Variants in COL8A1 observed in about 807,000 individuals in gnomAD.
COL8A1 encodes the protein collagen type VIII alpha 1 chain.
Under a neutral mutation model 42.7 loss-of-function variants are expected in COL8A1, and 21 were observed. That is an observed-to-expected ratio of 0.49 (90% CI 0.35 to 0.71). COL8A1 has a LOEUF of 0.71. COL8A1 is among the 30% of genes least tolerant of loss of function. The pLI is 0.01. For missense variants in COL8A1, 788 were observed against 962.4 expected (o/e 0.82, Z 2.40); for synonymous variants, 367 against 369.1 (o/e 0.99, Z 0.06).
At chr3:99,736,310 C>T (rs1940712435) in intron 1 of COL8A1, among the ~76,000 whole-genome samples, 2 of 152,206 alleles carry the variant, frequency 1.3e-5, no homozygotes, top group South Asian at 4.1e-4. Context: ...TTTCCCTCTA[C>T]ACACTGCTTT....
intron 1 of COL8A1, among the ~76,000 whole-genome samples, chr3:99,702,813 C>T (rs889755595): frequency 6.6e-6 from 1 of 152,076 alleles, no homozygotes; most frequent in Non-Finnish European, 1.5e-5. Flanking sequence ...GTGTAAAGTG[C>T]TGTGGAGAAA....
chr3:99,794,474 G>T lies in COL8A1; in HGVS notation c.573G>T (p.Gly191=). 2 of 1,614,102 alleles carry T rather than the reference G, an allele frequency of 1.2e-6. No individual in the cohort carries two copies. Among genetic ancestry groups the T allele is most frequent in the East Asian group, 2.2e-5 (1 of 44,860 alleles). ...IGQKGEIGPM[G]IPGPQGPPGP... is the part of the protein sequence containing the mutation. ...AGAAAGGGGAAATTGGGCCTATGGG[G>T]ATCCCAGGACCACAAGGACCTCCAG... The change falls in exon 4 of 4, where the codon GGG becomes GGT. Residue 191 remains glycine, a synonymous_variant. Coordinates refer to ENST00000652472, the MANE Select transcript of COL8A1 (RefSeq NM_020351.4). This position sits in a 1 kb window ranked among gnomAD's most constrained non-coding sequence, Gnocchi z 4.3.
intron 1 of COL8A1, among the ~76,000 whole-genome samples, chr3:99,733,756 G>T (rs1251831969): frequency 1.3e-5 from 2 of 151,290 alleles, no homozygotes; most frequent in Non-Finnish European, 3.0e-5. Context: ...CTAGTTTACA[G>T]TCCCACCAAC....
chr3:99,649,845 C>A (rs1186008282), intron 1 of COL8A1, among the ~76,000 whole-genome samples: 2 of 152,062 alleles, frequency 1.3e-5, no homozygotes, highest in Non-Finnish European at 2.9e-5. Flanking sequence ...CTGAACTCTG[C>A]AGCTAAACAT....
intron 1 of COL8A1, among the ~76,000 whole-genome samples, chr3:99,721,883 GT>G (rs1288383320): frequency 0.035 from 5,094 of 145,990 alleles, 281 homozygotes; most frequent in African/African-American, 0.12. Context: ...GCAGCACTGG[GT>G]TTTTTTTTTT....
chr3:99,794,477 C>A lies in COL8A1; in HGVS notation c.576C>A (p.Ile192=). ...GQKGEIGPMG[I]PGPQGPPGPH... The stretch of plus-strand genomic sequence containing the variant: ...AAGGGGAAATTGGGCCTATGGGGAT[C>A]CCAGGACCACAAGGACCTCCAGGGC... Residue 192 remains isoleucine, a synonymous_variant, in exon 4 of 4, where the codon ATC becomes ATA. Coordinates refer to ENST00000652472, the MANE Select transcript of COL8A1 (RefSeq NM_020351.4). This position sits in a 1 kb window ranked among gnomAD's most constrained non-coding sequence, Gnocchi z 4.3. The A allele has an allele frequency of 6.2e-7, 1 of 1,613,998 alleles. No homozygotes were observed. The highest frequency in any genetic ancestry group is 8.5e-7 in the Non-Finnish European group (1 of 1,179,950).
At chr3:99,684,469 T>A (rs894224801) in intron 1 of COL8A1, among the ~76,000 whole-genome samples, 36 of 152,190 alleles carry the variant, frequency 2.4e-4, no homozygotes, top group African/African-American at 8.4e-4. Flanking sequence ...CATTTGGTCC[T>A]GAAAGCTGTA....
At chr3:99,682,703 G>A (rs1938925378) in intron 1 of COL8A1, among the ~76,000 whole-genome samples, 1 of 151,684 alleles carries the variant, frequency 6.6e-6, no homozygotes, top group Non-Finnish European at 1.5e-5. Flanking sequence ...TGTGACCTCA[G>A]GCATCTCCGT....
intron 1 of COL8A1, among the ~76,000 whole-genome samples, chr3:99,725,046 C>G (rs1333054854): frequency 6.6e-6 from 1 of 152,046 alleles, no homozygotes; most frequent in South Asian, 2.1e-4. Flanking sequence ...ATACTTGACA[C>G]AGAGCCTGGC....
Position 99,658,352 on chromosome 3 carries a change from G to C in COL8A1, c.-129+19688G>C, listed in dbSNP as rs71313561. 3.9e-3 allele frequency among the ~76,000 whole-genome samples: 596 copies of C among 151,918 alleles called. 6 individuals carry two copies. The highest frequency in any genetic ancestry group is 0.014 in the African/African-American group (565 of 41,420). On this transcript the variant is annotated intron_variant, in intron 1 of 3. Coordinates refer to ENST00000652472, the MANE Select transcript of COL8A1 (RefSeq NM_020351.4). ...TTATTTACAATGTTTTGTTCTCTCC[G>C]CCCAGAACACCCTGCCTTCTCATCG...
intron 1 of COL8A1, among the ~76,000 whole-genome samples, chr3:99,641,044 C>A (rs1056131483): frequency 6.6e-6 from 1 of 152,104 alleles, no homozygotes; most frequent in Admixed American, 6.5e-5. Flanking sequence ...CAGAAATGTG[C>A]ATTTTAGATG....
At chr3:99,705,391 C>T (rs907778238) in intron 1 of COL8A1, among the ~76,000 whole-genome samples, 1 of 152,124 alleles carries the variant, frequency 6.6e-6, no homozygotes, top group Admixed American at 6.5e-5. Context: ...GGGAACTCGT[C>T]CCAGTGGCAA....
At chr3:99,678,201 G>A (rs971101576) in intron 1 of COL8A1, 7 of 151,976 alleles carry the variant, frequency 4.6e-5, no homozygotes, top group African/African-American at 1.5e-4. Flanking sequence ...TTAACATGCG[G>A]GTGAGCAAGT....
At chr3:99,723,356 T>G (rs1437369765) in intron 1 of COL8A1, among the ~76,000 whole-genome samples, 1 of 152,066 alleles carries the variant, frequency 6.6e-6, no homozygotes, top group Non-Finnish European at 1.5e-5. Flanking sequence ...GAAGTTGCTT[T>G]CAGCTGAATT....
intron 1 of COL8A1, among the ~76,000 whole-genome samples, chr3:99,682,174 G>A (rs141336959): frequency 2.0e-5 from 3 of 152,240 alleles, no homozygotes; most frequent in Non-Finnish European, 4.4e-5. Context: ...CAGCACTTTC[G>A]GAGGCCAAGG....
chr3:99,781,759 T>G (rs1941797826), intron 2 of COL8A1, among the ~76,000 whole-genome samples: 1 of 152,172 alleles, frequency 6.6e-6, no homozygotes, highest in South Asian at 2.1e-4. Context: ...AGAGCCATAC[T>G]AAGAAGGAAC....
At position 99,762,227 on chromosome 3, in the gene COL8A1, A is replaced by G. The variant is rs116686821; in HGVS notation, c.-4+17206A>G. On this transcript the variant is annotated intron_variant, in intron 2 of 3. Transcript: ENST00000652472. ...GAACTGGCTGCTCTGTTTCTTGAGC[A>G]CTTTGATACCAACAAAGAAAATCAC... Among the ~76,000 whole-genome samples the G allele has an allele frequency of 3.2e-3, 486 of 152,330 alleles. 4 individuals are homozygous for G. Among genetic ancestry groups the G allele is most frequent in the African/African-American group, 0.011 (466 of 41,574 alleles).
intron 1 of COL8A1, among the ~76,000 whole-genome samples, chr3:99,646,103 T>A (rs1397239604): frequency 1.3e-5 from 2 of 152,126 alleles, no homozygotes; most frequent in Non-Finnish European, 2.9e-5. Context: ...TAGACTGAAG[T>A]GAATACCTTT....
intron 1 of COL8A1, among the ~76,000 whole-genome samples, chr3:99,658,289 C>G (rs1938092495): frequency 6.6e-6 from 1 of 152,126 alleles, no homozygotes; most frequent in African/African-American, 2.4e-5. Context: ...AGTTACAGCT[C>G]TCTTTGAAAT....
Sources: allele counts gnomAD v4.1 joint callset (sites outside exome capture counted in the v4.1 genomes callset), GRCh38; gene constraint gnomAD v4.1.1; non-coding constraint Gnocchi (gnomAD v3.1); transcripts MANE v1.5; gene names NCBI Gene and HGNC (gene_info 2026-07-23, HGNC 2026-07-21).